GPR137: variants seen among roughly 807,000 people sequenced by gnomAD.
GPR137 encodes the protein G protein-coupled receptor 137, also known as integral membrane protein GPR137.
A neutral mutation model predicts 38.9 loss-of-function variants in GPR137; 20 were observed. That is an observed-to-expected ratio of 0.51 (90% CI 0.36 to 0.75). The LOEUF is 0.75. Among genes scored for constraint, GPR137 ranks in the 30% least tolerant of loss-of-function variants. GPR137 has a pLI of 0.00. For missense variants in GPR137, 456 were observed against 526.4 expected, an observed-to-expected ratio of 0.87 and a Z score of 1.31; for synonymous variants, 226 against 235.8, an observed-to-expected ratio of 0.96 and a Z score of 0.38.
upstream of GPR137, among the ~76,000 whole-genome samples, chr11:64,279,926 G>A (rs112595668): frequency 1.8e-4 from 27 of 152,228 alleles, 5 homozygotes; most frequent in African/African-American, 6.0e-4. Context: ...GCTCATGCCT[G>A]TAATCCCAGC....
At chr11:64,284,571 C>G, upstream of GPR137, 2 of 1,493,942 alleles carry the variant, frequency 1.3e-6, no homozygotes, top group Non-Finnish European at 1.8e-6. Context: ...TCAGTCTCCC[C>G]TCAGAACCCC....
At chr11:64,274,726 C>T (rs889832320), upstream of GPR137, among the ~76,000 whole-genome samples, 3 of 151,798 alleles carry the variant, frequency 2.0e-5, no homozygotes, top group African/African-American at 4.8e-5. Flanking sequence ...GAGGCTGAGG[C>T]GGGAGAATCA....
upstream of GPR137, among the ~76,000 whole-genome samples, chr11:64,282,108 C>T (rs1189158198): frequency 6.6e-6 from 1 of 152,166 alleles, no homozygotes; most frequent in Non-Finnish European, 1.5e-5. Flanking sequence ...GCCCCACCAG[C>T]TCACTAGAAG....
chr11:64,279,400 A>T (rs7952435), upstream of GPR137, among the ~76,000 whole-genome samples: 14,101 of 151,934 alleles, frequency 0.093, 1,853 homozygotes, highest in African/African-American at 0.29. Context: ...GACAAGCACA[A>T]CTCTGGTTCA....
upstream of GPR137, among the ~76,000 whole-genome samples, chr11:64,280,035 T>A (rs979421000): frequency 3.3e-5 from 5 of 151,222 alleles, no homozygotes; most frequent in South Asian, 2.1e-4. Context: ...AATAATAATT[T>A]GGCCAGGCGC....
At chr11:64,271,531 G>C (rs1013117651), upstream of GPR137, 3 of 1,298,064 alleles carry the variant, frequency 2.3e-6, no homozygotes, top group East Asian at 3.1e-5. Context: ...AGATCCGGGC[G>C]TGCCTTGGGA....
chr11:64,281,013 G>A (rs2033433061), upstream of GPR137, among the ~76,000 whole-genome samples: 2 of 151,360 alleles, frequency 1.3e-5, no homozygotes, highest in South Asian at 4.2e-4. Flanking sequence ...TGTCACCCAG[G>A]CTGGAGTGCA....
chr11:64,278,384 A>G (rs896077055), intron 2 of GPR137, among the ~76,000 whole-genome samples: 3 of 148,166 alleles, frequency 2.0e-5, no homozygotes, highest in African/African-American at 7.4e-5. Flanking sequence ...TTATATATAT[A>G]TATTTATATA....
intron 2 of GPR137, among the ~76,000 whole-genome samples, chr11:64,277,410 A>G (rs1022328440): frequency 2.6e-5 from 4 of 152,202 alleles, no homozygotes; most frequent in Non-Finnish European, 5.9e-5. Flanking sequence ...AAAATCAGAA[A>G]GTACTCTAAA....
intron 2 of GPR137, among the ~76,000 whole-genome samples, chr11:64,279,108 T>C (rs2033257684): frequency 6.6e-6 from 1 of 152,104 alleles, no homozygotes; most frequent in African/African-American, 2.4e-5. Flanking sequence ...CCCTGTCTCC[T>C]TTCTGTACCT....
chr11:64,282,366 C>T (rs545325423), upstream of GPR137, among the ~76,000 whole-genome samples: 1 of 151,128 alleles, frequency 6.6e-6, no homozygotes, highest in Non-Finnish European at 1.5e-5. Flanking sequence ...GTCTGGGAGG[C>T]CAAGGTGAGA....
Position 64,286,501 on chromosome 11 carries a change from G to A in GPR137, c.-24G>A. ...CGACAGTCCCTCCTTGTCTGTCTCC[G>A]GGATTCAGGCCTCCCTCCCTGACAT... On this transcript the variant is annotated 5_prime_UTR_variant, in exon 1 of 7. Coordinates refer to ENST00000438980, the MANE Select transcript of GPR137 (RefSeq NM_001170880.2). 13 of 1,590,918 alleles carry A rather than the reference G, an allele frequency of 8.2e-6. No homozygotes were observed. The highest frequency in any genetic ancestry group is 1.1e-5 in the Non-Finnish European group (13 of 1,167,568).
intron 2 of GPR137, 97 bp from the exon 3 acceptor site, chr11:64,287,624 T>G: frequency 6.4e-7 from 1 of 1,570,052 alleles, no homozygotes; most frequent in Non-Finnish European, 8.6e-7. Context: ...CTGGATGCCC[T>G]GAGTTTTGTC....
At chr11:64,280,272 A>G (rs1303624427), upstream of GPR137, among the ~76,000 whole-genome samples, 2 of 147,650 alleles carry the variant, frequency 1.4e-5, no homozygotes, top group Non-Finnish European at 3.0e-5. Flanking sequence ...GTGAGCTGAG[A>G]TGGTGCCACT....
chr11:64,275,974 A>T (rs2033026819), intron 1 of GPR137, among the ~76,000 whole-genome samples: 1 of 152,132 alleles, frequency 6.6e-6, no homozygotes, highest in African/African-American at 2.4e-5. Flanking sequence ...AACTTGCCCA[A>T]GGTCACTGAT....
rs754996541 is a variant in GPR137, at chr11:64,287,753, C to T, written c.440C>T (p.Ser147Leu). 14 of 1,606,140 alleles carry T rather than the reference C, an allele frequency of 8.7e-6. No homozygotes were observed. The highest frequency in any genetic ancestry group is 2.7e-5 in the African/African-American group (2 of 74,906). Residue 147 changes from serine to leucine, a missense_variant, in exon 3 of 7, where the codon TCG (serine) becomes TTG (leucine). Physicochemically the swap from Ser to Leu is moderately radical, Grantham distance 145. Transcript: ENST00000438980. ...GTCCGAGGGGCCTTTGTGGGGGCCT[C>T]GCTGCTCTTTCTGCTGGTGAACGTG... is the stretch of plus-strand genomic sequence containing the variant. The part of the protein sequence containing the change: ...LAVRGAFVGA[S>L]LLFLLVNVLC...
At chr11:64,287,273 G>C in intron 2 of GPR137, 1 of 985,410 alleles carries the variant, frequency 1.0e-6, no homozygotes, top group Non-Finnish European at 1.2e-6. Context: ...GCGAGCTGGA[G>C]GCTCCAGCCC....
chr11:64,280,754 A>G (rs1591171878), upstream of GPR137, among the ~76,000 whole-genome samples: 1 of 140,710 alleles, frequency 7.1e-6, no homozygotes, highest in African/African-American at 2.7e-5. Flanking sequence ...TGCGACCTCC[A>G]CCTCCTGGGT....
Position 64,289,341 on chromosome 11 carries a change from TAGTG to T in GPR137, c.*148_*151del. ...GGCCGGCTCCTTGCTGCTCCTGTCATAGTGAGCTTGTGCCGTCCCCCTAGGATGG... is the reference window on the plus strand; with the variant it reads ...GGCCGGCTCCTTGCTGCTCCTGTCATAGCTTGTGCCGTCCCCCTAGGATGG... On this transcript the variant is annotated 3_prime_UTR_variant, in exon 7 of 7. Coordinates refer to ENST00000438980, the MANE Select transcript of GPR137 (RefSeq NM_001170880.2). The T allele has an allele frequency of 6.2e-7, 1 of 1,602,124 alleles. No homozygotes were observed. The highest frequency in any genetic ancestry group is 1.1e-5 in the South Asian group (1 of 89,010).
Sources: gnomAD v4.1 joint callset for allele counts (sites outside exome capture counted in the v4.1 genomes callset) on GRCh38, gnomAD v4.1.1 for gene constraint, MANE v1.5 for transcripts, NCBI Gene and HGNC (gene_info 2026-07-23, HGNC 2026-07-21) for gene names.